The following SRGAP2C variants were observed in gnomAD, a reference collection of about 807,000 sequenced individuals.
SRGAP2C encodes the protein SLIT-ROBO Rho GTPase-activating protein 2C.
In SRGAP2C, 15 loss-of-function variants were observed where a neutral mutation model predicts 25.1. The ratio of observed to expected loss-of-function variants is 0.60; its 90% CI spans 0.40 to 0.92. The LOEUF (loss-of-function observed/expected upper bound fraction) is 0.92. SRGAP2C is among the 40% of genes least tolerant of loss of function. SRGAP2C has a pLI of 0.00. For missense variants in SRGAP2C, 144 were observed against 264.4 expected (o/e 0.54, Z 3.16); for synonymous variants, 44 against 96.6 (o/e 0.46, Z 3.19).
At position 121,196,389 on chromosome 1, in the gene SRGAP2C, C is replaced by T. The variant is rs1459278840; in HGVS notation, c.67+8876C>T. ...ATTGCTCTGACCAGAAATAACCCTT[C>T]TCTCTATTTCACCCACACAGTGCTT... On this transcript the variant is annotated intron_variant, in intron 2 of 9. Coordinates refer to ENST00000367123, the MANE Select transcript of SRGAP2C (RefSeq NM_001329984.2). 3.7e-5 allele frequency among the ~76,000 whole-genome samples: 3 copies of T among 81,786 alleles called. 1 individual carries two copies. Among genetic ancestry groups the T allele is most frequent in the African/African-American group, 5.6e-5 (1 of 17,732 alleles). The allele number at this position is 81,786 out of a possible 152,430, so 53.7% of individuals were successfully genotyped here. A position where few individuals can be genotyped will look rare whatever the true frequency, so the allele number is the denominator to read the frequency against.
At chr1:121,239,212 A>C (rs1469220281) in intron 2 of SRGAP2C, among the ~76,000 whole-genome samples, 5 of 4,532 alleles carry the variant, frequency 1.1e-3, no homozygotes, top group Non-Finnish European at 1.6e-3. Flanking sequence ...ATATATATAT[A>C]TATATATATA....
intron 3 of SRGAP2C, among the ~76,000 whole-genome samples, chr1:121,306,172 A>G (rs1657832461): frequency 6.7e-6 from 1 of 150,100 alleles, no homozygotes; most frequent in African/African-American, 2.5e-5. Context: ...ATATTCTTCT[A>G]TTGACTTTAT....
At chr1:121,332,530 A>G (rs1658454544) in intron 4 of SRGAP2C, among the ~76,000 whole-genome samples, 1 of 152,156 alleles carries the variant, frequency 6.6e-6, no homozygotes, top group Non-Finnish European at 1.5e-5. Flanking sequence ...TAAGAGACTC[A>G]GTTAATACTT....
At chr1:121,359,972 G>A (rs1358817631) in intron 4 of SRGAP2C, among the ~76,000 whole-genome samples, 2 of 151,994 alleles carry the variant, frequency 1.3e-5, no homozygotes, top group African/African-American at 4.8e-5. Flanking sequence ...TCTGTGTCTA[G>A]CTAAAGGATT....
intron 3 of SRGAP2C, among the ~76,000 whole-genome samples, chr1:121,315,460 A>T (rs1442439918): frequency 1.3e-5 from 2 of 148,310 alleles, no homozygotes; most frequent in African/African-American, 2.5e-5. Context: ...GTGTAGATGG[A>T]GTTTCACATT....
chr1:121,360,072 T>A (rs147106764), intron 4 of SRGAP2C: 9,181 of 152,074 alleles, frequency 0.06, 412 homozygotes, highest in Non-Finnish European at 0.089. Flanking sequence ...TCAGCACTCT[T>A]AAGAGCTGTA....
chr1:121,208,483 A>C (rs1355867474), intron 2 of SRGAP2C, among the ~76,000 whole-genome samples: 3 of 152,118 alleles, frequency 2.0e-5, no homozygotes, highest in Non-Finnish European at 2.9e-5. Flanking sequence ...TGGCCTAAGC[A>C]TGAGTGCGAG....
chr1:121,315,266 C>T (rs1488376554), intron 3 of SRGAP2C, among the ~76,000 whole-genome samples: 1 of 152,068 alleles, frequency 6.6e-6, no homozygotes, highest in East Asian at 1.9e-4. Context: ...ACCTCAGCCT[C>T]CTGAGTAGCC....
At chr1:121,202,502 C>A (rs2101396673) in intron 2 of SRGAP2C, among the ~76,000 whole-genome samples, 1 of 146,678 alleles carries the variant, frequency 6.8e-6, no homozygotes, top group East Asian at 2.0e-4. Flanking sequence ...TATCTTGGCT[C>A]ACTGCAACCT....
intron 3 of SRGAP2C, among the ~76,000 whole-genome samples, chr1:121,293,545 A>G (rs1657534582): frequency 6.6e-6 from 1 of 151,750 alleles, no homozygotes; most frequent in African/African-American, 2.4e-5. Context: ...AATAGACAAG[A>G]TGGGGCCAAG....
At chr1:121,275,048 A>G (rs1657070061) in intron 2 of SRGAP2C, among the ~76,000 whole-genome samples, 1 of 140,062 alleles carries the variant, frequency 7.1e-6, no homozygotes, top group Non-Finnish European at 1.6e-5. Flanking sequence ...AATCCCCCCC[A>G]CCCAAGGTCT....
At chr1:121,340,242 A>G (rs1329394787) in intron 4 of SRGAP2C, among the ~76,000 whole-genome samples, 3 of 151,280 alleles carry the variant, frequency 2.0e-5, no homozygotes, top group Non-Finnish European at 4.4e-5. Flanking sequence ...TTTTCTTTTG[A>G]TGTTCATTTT....
chr1:121,238,812 A>C, intron 2 of SRGAP2C, among the ~76,000 whole-genome samples: 2 of 127,682 alleles, frequency 1.6e-5, no homozygotes, highest in Non-Finnish European at 3.3e-5. Context: ...ATGGGGTCTC[A>C]CTCTTGTTTC....
chr1:121,191,229 A>T (rs1472111519), intron 2 of SRGAP2C, among the ~76,000 whole-genome samples: 3 of 152,068 alleles, frequency 2.0e-5, no homozygotes, highest in Admixed American at 2.0e-4. Flanking sequence ...CAGGATACCA[A>T]AATCTGCAGA....
intron 4 of SRGAP2C, among the ~76,000 whole-genome samples, chr1:121,327,265 AT>A (rs1374540954): frequency 7.1e-6 from 1 of 141,006 alleles, no homozygotes; most frequent in Non-Finnish European, 1.5e-5. Flanking sequence ...CTCTAAAAAA[AT>A]TTTAAAAGTT....
chr1:121,359,685 G>A (rs587603135), intron 4 of SRGAP2C, among the ~76,000 whole-genome samples: 3 of 152,320 alleles, frequency 2.0e-5, no homozygotes, highest in South Asian at 4.1e-4. Context: ...AGAGGATCAC[G>A]TGACAGTTGA....
intron 3 of SRGAP2C, among the ~76,000 whole-genome samples, chr1:121,316,466 A>AT (rs1209995713): frequency 1.4e-3 from 91 of 63,656 alleles, no homozygotes; most frequent in African/African-American, 5.3e-3. Flanking sequence ...ATCTGTGTGT[A>AT]TTTTTTTTTC....
At chr1:121,237,760 G>A (rs2101483771) in intron 2 of SRGAP2C, among the ~76,000 whole-genome samples, 1 of 147,252 alleles carries the variant, frequency 6.8e-6, no homozygotes, top group African/African-American at 2.5e-5. Flanking sequence ...CAATTTGGGA[G>A]TCTGTATTCC....
At chr1:121,210,056 G>C (rs1553323325) in intron 2 of SRGAP2C, among the ~76,000 whole-genome samples, 7 of 151,342 alleles carry the variant, frequency 4.6e-5, no homozygotes, top group Non-Finnish European at 4.4e-5. Context: ...CAGTCTTGTT[G>C]ATAGTTTGGA....
Sources: allele counts gnomAD v4.1 joint callset (sites outside exome capture counted in the v4.1 genomes callset), GRCh38; gene constraint gnomAD v4.1.1; transcripts MANE v1.5; gene names NCBI Gene and HGNC (gene_info 2026-07-23, HGNC 2026-07-21).